Variants in SHISA9 observed in about 807,000 individuals in gnomAD.
SHISA9 encodes protein shisa-9.
In SHISA9, 13 loss-of-function variants were observed where a neutral mutation model predicts 38.0. That is an observed-to-expected ratio of 0.34 (90% CI 0.22 to 0.54). The LOEUF is 0.54. Among genes scored for constraint, SHISA9 ranks in the 20% least tolerant of loss-of-function variants. The pLI is 0.91. For missense variants in SHISA9, 538 were observed against 575.8 expected (o/e 0.93, Z 0.67); for synonymous variants, 275 against 242.0 (o/e 1.14, Z -1.27).
chr16:13,188,094 T>C (rs1419381206), intron 2 of SHISA9, among the ~76,000 whole-genome samples: 1 of 152,186 alleles, frequency 6.6e-6, no homozygotes, highest in Non-Finnish European at 1.5e-5. Flanking sequence ...ATTGCTTTCC[T>C]TTTGTGTGGT....
intron 2 of SHISA9, among the ~76,000 whole-genome samples, chr16:12,931,462 C>T (rs2071460850): frequency 6.6e-6 from 1 of 152,166 alleles, no homozygotes; most frequent in Admixed American, 6.5e-5. Context: ...CTAGCATTCC[C>T]AGTGTCTGTT....
the SHISA9 span, among the ~76,000 whole-genome samples, chr16:13,393,682 T>C: frequency 2.0e-5 from 3 of 151,952 alleles, no homozygotes; most frequent in East Asian, 5.8e-4. Context: ...AAAGACTGTG[T>C]GAGCCTTGGC....
intron 2 of SHISA9, among the ~76,000 whole-genome samples, chr16:13,014,257 C>T (rs183808154): frequency 6.6e-6 from 1 of 152,176 alleles, no homozygotes; most frequent in Non-Finnish European, 1.5e-5. Context: ...GCCATCCTCC[C>T]AGGTAAAGCA....
chr16:13,523,262 A>G, the SHISA9 span, among the ~76,000 whole-genome samples: 1 of 152,138 alleles, frequency 6.6e-6, no homozygotes, highest in African/African-American at 2.4e-5. Context: ...AGGCATGAGA[A>G]TCACTTGAAC....
At chr16:13,292,722 T>C in the SHISA9 span, among the ~76,000 whole-genome samples, 4 of 152,134 alleles carry the variant, frequency 2.6e-5, no homozygotes, top group Non-Finnish European at 4.4e-5. Flanking sequence ...GGGCAGGGAA[T>C]GGATAAAGGA....
intron 2 of SHISA9, among the ~76,000 whole-genome samples, chr16:12,971,073 C>T (rs1233006755): frequency 2.0e-5 from 3 of 152,206 alleles, no homozygotes; most frequent in African/African-American, 7.2e-5. Flanking sequence ...TCTCGAAAGA[C>T]ACCCACCTGG....
chr16:12,920,789 G>A, intron 2 of SHISA9, among the ~76,000 whole-genome samples: 1 of 152,206 alleles, frequency 6.6e-6, no homozygotes, highest in Non-Finnish European at 1.5e-5. Context: ...TAGCTAAACT[G>A]TAGACATGTT....
the SHISA9 span, among the ~76,000 whole-genome samples, chr16:13,519,193 T>A: frequency 6.6e-6 from 1 of 152,226 alleles, no homozygotes; most frequent in African/African-American, 2.4e-5. Context: ...GTATTAAGAA[T>A]AATGCTCATC....
chr16:13,162,836 A>G (rs2050606936), intron 2 of SHISA9, among the ~76,000 whole-genome samples: 1 of 152,002 alleles, frequency 6.6e-6, no homozygotes, highest in Non-Finnish European at 1.5e-5. Context: ...ACATGAAAAA[A>G]AAAACCGATA....
the SHISA9 span, among the ~76,000 whole-genome samples, chr16:13,326,426 G>C: frequency 6.6e-6 from 1 of 152,192 alleles, no homozygotes; most frequent in Non-Finnish European, 1.5e-5. Context: ...CTTCTTTCAA[G>C]AGTCAAAGTC....
intron 2 of SHISA9, among the ~76,000 whole-genome samples, chr16:13,119,230 C>T (rs1314523192): frequency 6.6e-6 from 1 of 152,180 alleles, no homozygotes; most frequent in Non-Finnish European, 1.5e-5. Flanking sequence ...AGATCTGCAG[C>T]TGTGAAACCA....
chr16:13,133,257 G>T (rs2141988892), intron 2 of SHISA9, among the ~76,000 whole-genome samples: 1 of 152,312 alleles, frequency 6.6e-6, no homozygotes, highest in South Asian at 2.1e-4. Context: ...AGGAAAGTGT[G>T]CAAATGTTGA....
chr16:13,054,991 C>T (rs775994034), intron 2 of SHISA9, among the ~76,000 whole-genome samples: 2 of 152,152 alleles, frequency 1.3e-5, no homozygotes, highest in Non-Finnish European at 2.9e-5. Flanking sequence ...AGTGACGTTT[C>T]CAAAGCAAAC....
At chr16:13,247,325 C>A in the SHISA9 span, among the ~76,000 whole-genome samples, 3 of 152,266 alleles carry the variant, frequency 2.0e-5, no homozygotes, top group Middle Eastern at 3.4e-3. Flanking sequence ...CCATATCAAT[C>A]ATCTTAATTA....
intron 2 of SHISA9, among the ~76,000 whole-genome samples, chr16:13,017,226 G>C (rs938382691): frequency 6.6e-6 from 1 of 151,980 alleles, no homozygotes; most frequent in Non-Finnish European, 1.5e-5. Flanking sequence ...CACCATGTTG[G>C]CCAGGCTGGT....
At chr16:13,023,821 T>G (rs1001449203) in intron 2 of SHISA9, among the ~76,000 whole-genome samples, 16 of 152,192 alleles carry the variant, frequency 1.1e-4, no homozygotes, top group African/African-American at 3.9e-4. Context: ...ATGAAAGACC[T>G]CTTTTTCTAA....
chr16:13,282,289 T>C, the SHISA9 span, among the ~76,000 whole-genome samples: 1 of 151,954 alleles, frequency 6.6e-6, no homozygotes, highest in Non-Finnish European at 1.5e-5. Context: ...ATTGCCAACT[T>C]TTATTTTTTC....
At chr16:13,370,305 G>C in the SHISA9 span, among the ~76,000 whole-genome samples, 5 of 152,178 alleles carry the variant, frequency 3.3e-5, no homozygotes, top group Non-Finnish European at 7.3e-5. Context: ...ATGGGATGTA[G>C]AGTCAATGGC....
At chr16:13,426,996 C>T in the SHISA9 span, among the ~76,000 whole-genome samples, 6 of 152,156 alleles carry the variant, frequency 3.9e-5, no homozygotes, top group East Asian at 1.9e-4. Context: ...TCACTCATGC[C>T]GATTGTCTAC....
Sources: gnomAD v4.1 joint callset for allele counts (sites outside exome capture counted in the v4.1 genomes callset) on GRCh38, gnomAD v4.1.1 for gene constraint, MANE v1.5 for transcripts, NCBI Gene and HGNC (gene_info 2026-07-23, HGNC 2026-07-21) for gene names.